The following TMEM131L variants were observed in gnomAD, a reference collection of about 807,000 sequenced individuals.
TMEM131L encodes the protein transmembrane protein 131-like.
TMEM131L carries 54 observed loss-of-function variants against 192.2 expected under a neutral mutation model. The observed-to-expected ratio is 0.28, with a 90% confidence interval of 0.23 to 0.35. The LOEUF is 0.35. Among genes scored for constraint, TMEM131L ranks in the 10% least tolerant of loss-of-function variants. TMEM131L has a pLI of 1.00. For missense variants in TMEM131L, 1,888 were observed against 1,972.9 expected (o/e 0.96, Z 0.82); for synonymous variants, 701 against 704.9 (o/e 0.99, Z 0.09).
intron 34 of TMEM131L, among the ~76,000 whole-genome samples, chr4:153,635,999 A>C (rs1024199347): frequency 1.3e-4 from 20 of 152,036 alleles, no homozygotes; most frequent in Non-Finnish European, 2.5e-4. Context: ...CTCCCTGCTC[A>C]GAAGCCCGAT....
chr4:153,468,743 C>T (rs1232767662), intron 2 of TMEM131L, among the ~76,000 whole-genome samples: 2 of 151,978 alleles, frequency 1.3e-5, no homozygotes, highest in Non-Finnish European at 2.9e-5. Flanking sequence ...GCTTCCCCCT[C>T]TCCCCCACCC....
chr4:153,496,290 A>T (rs1733163467), intron 3 of TMEM131L, among the ~76,000 whole-genome samples: 1 of 152,140 alleles, frequency 6.6e-6, no homozygotes, highest in African/African-American at 2.4e-5. Flanking sequence ...TTTAAACAGA[A>T]TTTTCTGTAG....
Position 153,585,438 on chromosome 4 carries a change from T to C in TMEM131L, c.1158-20T>C. ...TGTCCCACACTCAGGCCTGATAGCA[T>C]GCATGTCGTCTGTTCACAGGTATTT... On this transcript the variant is annotated intron_variant, in intron 12 of 34. Coordinates refer to ENST00000409959, the MANE Select transcript of TMEM131L (RefSeq NM_001131007.2). 6.2e-7 allele frequency: 1 copy of C among 1,612,656 alleles called. No individual in the cohort carries two copies. The highest frequency in any genetic ancestry group is 8.5e-7 in the Non-Finnish European group (1 of 1,179,344).
chr4:153,578,866 C>A (rs1186626792), intron 7 of TMEM131L, among the ~76,000 whole-genome samples: 49 of 151,576 alleles, frequency 3.2e-4, no homozygotes. Flanking sequence ...CCATTTTGGC[C>A]AGGCTAGTCT....
chr4:153,635,340 A>G lies in TMEM131L; in HGVS notation c.4418-92A>G, dbSNP rs920801686. On this transcript the variant is annotated intron_variant, in intron 33 of 34. Coordinates refer to ENST00000409959, the MANE Select transcript of TMEM131L (RefSeq NM_001131007.2). The stretch of plus-strand genomic sequence containing the variant: ...ATTTATGTCTGTAACTTGTCAGTAT[A>G]GTGAGACCTTGAAAGCTTTTTTGCC... 3.4e-6 allele frequency: 4 copies of G among 1,178,352 alleles called. No individual in the cohort carries two copies. The African/African-American group carries it at 6.0e-5, about 18-fold the overall frequency. The allele number at this position is 1,178,352 out of a possible 1,614,324, so 73.0% of individuals were successfully genotyped here.
intron 6 of TMEM131L, 51 bp from the exon 7 acceptor site, chr4:153,558,207 A>G: frequency 1.0e-6 from 1 of 977,998 alleles, no homozygotes. Context: ...ATTATGGCAA[A>G]TGTGTTTTAA....
Position 153,555,848 on chromosome 4 carries a change from G to A in TMEM131L, c.370G>A (p.Val124Ile), listed in dbSNP as rs1171060599. ...TTACAACCCTAGTAGGGACAGCGAG[G>A]TTGTGGTGAATTCAGTGTTTGCAGC... Reference protein sequence around the residue: ...HAYNPSRDSEVVVNSVFAAAG... With the variant: ...HAYNPSRDSEIVVNSVFAAAG... Residue 124 changes from valine (V) to isoleucine (I), a missense_variant, in exon 5 of 35, where the codon GTT becomes ATT. By Grantham distance (29) the Val-to-Ile change is conservative. Coordinates refer to ENST00000409959, the MANE Select transcript of TMEM131L (RefSeq NM_001131007.2). This position sits in a 1 kb window ranked among gnomAD's most constrained non-coding sequence, Gnocchi z 4.1. 2 of 1,551,654 alleles carry A rather than the reference G, an allele frequency of 1.3e-6. No homozygotes were observed. Among genetic ancestry groups the A allele is most frequent in the Non-Finnish European group, 1.7e-6 (2 of 1,147,002 alleles).
At chr4:153,512,833 C>T (rs2405695) in intron 3 of TMEM131L, among the ~76,000 whole-genome samples, 51,081 of 152,024 alleles carry the variant, frequency 0.34, 10,393 homozygotes, top group Non-Finnish European at 0.44. Context: ...AAGATGGTCT[C>T]GATCTCTTGA....
At chr4:153,538,568 G>T (rs1736517330) in intron 3 of TMEM131L, among the ~76,000 whole-genome samples, 1 of 152,148 alleles carries the variant, frequency 6.6e-6, no homozygotes, top group Non-Finnish European at 1.5e-5. Flanking sequence ...TGGTTTATTG[G>T]GATGCTCTGC....
chr4:153,603,171 A>G (rs1468611176), intron 23 of TMEM131L, 132 bp from the exon 24 acceptor site: 1 of 738,680 alleles, frequency 1.4e-6, no homozygotes, highest in Middle Eastern at 3.6e-4. Context: ...TATGTGATAA[A>G]TCTTAGGGAA....
At chr4:153,619,176 G>A (rs745706165) in intron 26 of TMEM131L, among the ~76,000 whole-genome samples, 3 of 152,100 alleles carry the variant, frequency 2.0e-5, no homozygotes, top group Non-Finnish European at 4.4e-5. Context: ...ACCAGCTCAC[G>A]CTTTCTCAGA....
intron 3 of TMEM131L, among the ~76,000 whole-genome samples, chr4:153,525,615 C>T (rs944076179): frequency 6.6e-6 from 1 of 152,226 alleles, no homozygotes; most frequent in Non-Finnish European, 1.5e-5. Context: ...GCTGGGATTA[C>T]AGGCGTGAGC....
intron 3 of TMEM131L, among the ~76,000 whole-genome samples, chr4:153,546,701 G>A (rs1737202231): frequency 6.6e-6 from 1 of 152,226 alleles, no homozygotes; most frequent in African/African-American, 2.4e-5. Context: ...GCCGAGGCGG[G>A]CAGATCACCT....
Position 153,588,968 on chromosome 4 carries a change from A to G in TMEM131L, c.1631A>G (p.Tyr544Cys), listed in dbSNP as rs748929056. ...GATTCTGAACTTGCAAATAAATTGT[A>G]TGAAAGATGGAAGAAATATAAAAAT... Reference protein sequence around the residue: ...NVDSELANKLYERWKKYKNGD... With the variant: ...NVDSELANKLCERWKKYKNGD... The change falls in exon 16 of 35, where the codon TAT (tyrosine) becomes TGT (cysteine). Residue 544 changes from tyrosine (Y) to cysteine (C), a missense_variant. By Grantham distance (194) the Tyr-to-Cys change is radical (BLOSUM62 -2). Coordinates refer to ENST00000409959, the MANE Select transcript of TMEM131L (RefSeq NM_001131007.2). 2 of 1,602,578 alleles carry G rather than the reference A, an allele frequency of 1.2e-6. No individual in the cohort carries two copies. Among genetic ancestry groups the G allele is most frequent in the African/African-American group, 1.3e-5 (1 of 74,832 alleles).
chr4:153,486,704 A>G (rs1328188483), intron 3 of TMEM131L, among the ~76,000 whole-genome samples: 3 of 152,202 alleles, frequency 2.0e-5, no homozygotes, highest in African/African-American at 7.2e-5. Flanking sequence ...ACTTTCTCAG[A>G]AGTACTCCCC....
chr4:153,581,362 G>T, intron 8 of TMEM131L, 45 bp from the exon 9 acceptor site: 1 of 1,455,164 alleles, frequency 6.9e-7, no homozygotes, highest in South Asian at 1.5e-5. Context: ...CCACAAAGTT[G>T]AGATGATTTT....
In TMEM131L at chr4:153,596,391, T is replaced by A; in HGVS notation, c.2123+6T>A. 1 of 1,613,050 alleles carries A rather than the reference T, an allele frequency of 6.2e-7. No homozygotes were observed. Among genetic ancestry groups the A allele is most frequent in the South Asian group, 1.1e-5 (1 of 91,060 alleles). The stretch of plus-strand genomic sequence containing the variant: ...ACCTCACTCATACTAATCCGGTAGG[T>A]GTGTTCCTGTTGTAGAATCTGTTTC... On this transcript the variant is annotated splice_donor_region_variant and intron_variant, in intron 20 of 34. Coordinates refer to ENST00000409959, the MANE Select transcript of TMEM131L (RefSeq NM_001131007.2).
rs144720780 is a variant in TMEM131L, at chr4:153,585,709, C to A, written c.1311+98C>A. 2.4e-4 allele frequency: 174 copies of A among 718,548 alleles called. No homozygotes were observed. The African/African-American group carries it at 3.0e-3, about 13-fold the overall frequency. The allele number at this position is 718,548 out of a possible 1,614,324, so 44.5% of individuals were successfully genotyped here. Reference sequence around the variant, plus strand: ...TTTCTATAAAATAATAAAAAATATTCCAAATGCTATGAAGTTATTATTTAT... The same window carrying A: ...TTTCTATAAAATAATAAAAAATATTACAAATGCTATGAAGTTATTATTTAT... On this transcript the variant is annotated intron_variant, in intron 13 of 34. Transcript: ENST00000409959.
chr4:153,486,702 A>G (rs115243715), intron 3 of TMEM131L, among the ~76,000 whole-genome samples: 2,944 of 152,322 alleles, frequency 0.019, 54 homozygotes, highest in South Asian at 0.068. Flanking sequence ...CTACTTTCTC[A>G]GAAGTACTCC....
Sources: allele counts gnomAD v4.1 joint callset (sites outside exome capture counted in the v4.1 genomes callset), GRCh38; gene constraint gnomAD v4.1.1; non-coding constraint Gnocchi (gnomAD v3.1); transcripts MANE v1.5; gene names NCBI Gene and HGNC (gene_info 2026-07-23, HGNC 2026-07-21).